The following HMCN2 variants were observed in gnomAD, a reference collection of about 807,000 sequenced individuals.
The protein encoded by HMCN2 is hemicentin-2.
In HMCN2, 325 loss-of-function variants were observed where a neutral mutation model predicts 377.5. The observed-to-expected ratio is 0.86, with a 90% CI of 0.79 to 0.94. The LOEUF (loss-of-function observed/expected upper bound fraction) is 0.94. Among genes scored for constraint, HMCN2 ranks in the 40% least tolerant of loss-of-function variants. HMCN2 has a pLI of 0.00. For missense variants in HMCN2, 4,543 were observed against 4,725.3 expected, an observed-to-expected ratio of 0.96 and a Z score of 1.13; for synonymous variants, 2,007 against 2,046.8, an observed-to-expected ratio of 0.98 and a Z score of 0.53.
rs1448443171 is a variant in HMCN2, at chr9:130,350,378, C to CAAAAAA, written c.4430+717_4430+722dup. On this transcript the variant is annotated intron_variant, in intron 29 of 97. Coordinates refer to ENST00000683500, the MANE Select transcript of HMCN2 (RefSeq NM_001291815.2). ...CGAGACCCTGTCTCTGCTAAAAATA[C>CAAAAAA]AAAAAAATACAAAAAAAAAAAAAAA... Among the ~76,000 whole-genome samples the CAAAAAA allele has an allele frequency of 2.4e-4, 18 of 74,730 alleles. 1 individual carries two copies. The highest frequency in any genetic ancestry group is 5.5e-4 in the African/African-American group (11 of 20,056). The allele number at this position is 74,730 out of a possible 152,430, so 49.0% of individuals were successfully genotyped here.
chr9:130,338,557 T>C (rs942078072), intron 23 of HMCN2: 1 of 152,382 alleles, frequency 6.6e-6, no homozygotes, highest in Non-Finnish European at 1.5e-5. Flanking sequence ...TCTCTCTCCA[T>C]GTATCCCTTC....
intron 85 of HMCN2, among the ~76,000 whole-genome samples, chr9:130,415,961 G>C (rs1843663467): frequency 6.6e-6 from 1 of 152,156 alleles, no homozygotes; most frequent in Middle Eastern, 3.4e-3. Context: ...GCAGCCCCCA[G>C]GGGTGGCAAA....
At chr9:130,386,577 C>T in intron 61 of HMCN2, 53 bp downstream of exon 61, 1 of 1,186,176 alleles carries the variant, frequency 8.4e-7, no homozygotes, top group Non-Finnish European at 1.1e-6. Flanking sequence ...TAGCAACACC[C>T]AGGGCTGCCA....
intron 82 of HMCN2, chr9:130,406,473 C>A (rs1435588502): frequency 2.0e-5 from 6 of 294,354 alleles, no homozygotes. Flanking sequence ...GTGGGACCCT[C>A]AGCAAACCCC....
intron 19 of HMCN2, among the ~76,000 whole-genome samples, chr9:130,324,088 C>T (rs1837994935): frequency 6.6e-6 from 1 of 152,208 alleles, no homozygotes; most frequent in African/African-American, 2.4e-5. Context: ...GGTACATTCA[C>T]ATTTCACACT....
At chr9:130,327,923 CCCGGT>C in intron 22 of HMCN2, among the ~76,000 whole-genome samples, 1 of 152,164 alleles carries the variant, frequency 6.6e-6, no homozygotes, top group Admixed American at 6.5e-5. Flanking sequence ...CTCAGCTGCT[CCCGGT>C]CCGGGATCCT....
At chr9:130,367,861 G>A (rs111818781) in intron 43 of HMCN2, among the ~76,000 whole-genome samples, 2,647 of 146,200 alleles carry the variant, frequency 0.018, 80 homozygotes, top group African/African-American at 0.063. Context: ...AGAATCACCT[G>A]AACCCAGGAG....
In HMCN2 at chr9:130,355,750, C is replaced by T. The variant is rs1461736975; in HGVS notation, c.5151C>T (p.Pro1717=). 2.3e-6 allele frequency: 3 copies of T among 1,302,798 alleles called. No individual in the cohort carries two copies. Among genetic ancestry groups the T allele is most frequent in the East Asian group, 5.6e-5 (1 of 18,016 alleles). The allele number at this position is 1,302,798 out of a possible 1,614,324, so 80.7% of individuals were successfully genotyped here. ...AGGAGTGTGTTCTGCCTGCAGTGCC[C>T]CCACAGCTCCTGGTGGCTGAAGGCT... The part of the protein sequence containing the change: ...VLQYSVEVQV[P]PQLLVAEGLG... Residue 1717 remains proline (P), a synonymous_variant, in exon 33 of 98, where the codon CCC becomes CCT. Coordinates refer to ENST00000683500, the MANE Select transcript of HMCN2 (RefSeq NM_001291815.2).
intron 29 of HMCN2, among the ~76,000 whole-genome samples, chr9:130,350,177 T>C (rs1839625110): frequency 6.6e-6 from 1 of 151,422 alleles, no homozygotes; most frequent in Non-Finnish European, 1.5e-5. Context: ...CCCAAAGTGC[T>C]GAGATTACAG....
At chr9:130,421,995 C>A (rs1418224900) in intron 86 of HMCN2, among the ~76,000 whole-genome samples, 1 of 152,272 alleles carries the variant, frequency 6.6e-6, no homozygotes, top group Admixed American at 6.5e-5. Context: ...AAGCACCCCC[C>A]TGTGCCTGCA....
chr9:130,433,401 T>C lies in HMCN2; in HGVS notation c.14948T>C (p.Leu4983Pro). Residue 4983 changes from leucine to proline, a missense_variant, in exon 98 of 98, where the codon CTG becomes CCG. Physicochemically the swap from Leu to Pro is moderately conservative, Grantham distance 98. Around this residue, in one of 5 missense-constraint regions of HMCN2, gnomAD observed 1,155 missense variants for 1,157.7 expected, o/e 1.00. Transcript: ENST00000683500. Reference sequence around the variant, plus strand: ...TGCGGCACGGGCGGCCCCTCTACGCTGCAGTACCGGCTGCTGCCGCTGCCC... The same window carrying C: ...TGCGGCACGGGCGGCCCCTCTACGCCGCAGTACCGGCTGCTGCCGCTGCCC... ...QDCGTGGPSTLQYRLLPLPLG... is the reference protein window; with the variant it reads ...QDCGTGGPSTPQYRLLPLPLG... 4.0e-6 allele frequency: 6 copies of C among 1,493,402 alleles called. No individual in the cohort carries two copies. The highest frequency in any genetic ancestry group is 4.4e-6 in the Non-Finnish European group (5 of 1,129,690). 92.5% of individuals were successfully genotyped at this position (1,493,402 alleles called of 1,614,324 possible). A position where few individuals can be genotyped will look rare whatever the true frequency, so the allele number is the denominator to read the frequency against.
intron 87 of HMCN2, among the ~76,000 whole-genome samples, chr9:130,424,345 A>T (rs1053087801): frequency 7.0e-4 from 100 of 142,222 alleles, no homozygotes; most frequent in Non-Finnish European, 1.4e-3. Context: ...CGCCCGGCTA[A>T]TTTTTTTTTT....
chr9:130,366,593 A>G (rs1840701917), intron 43 of HMCN2, among the ~76,000 whole-genome samples: 1 of 146,692 alleles, frequency 6.8e-6, no homozygotes, highest in Non-Finnish European at 1.5e-5. Flanking sequence ...AGCTGGGATT[A>G]CAGGCAGGTG....
chr9:130,395,133 G>GGGGGGGGGGGGC, intron 70 of HMCN2, 25 bp downstream of exon 70: 1 of 453,770 alleles, frequency 2.2e-6, no homozygotes, highest in Non-Finnish European at 3.9e-6. Flanking sequence ...TGGGGTGGGG[G>GGGGGGGGGGGGC]CAGGGCCGGG....
At position 130,430,501 on chromosome 9, in the gene HMCN2, C is replaced by T. The variant is rs1460545595; in HGVS notation, c.14544C>T (p.Ser4848=). Residue 4848 remains serine (S), a synonymous_variant, in exon 95 of 98, where the codon TCC becomes TCT. Transcript: ENST00000683500. ...CCTGGGCCTCGATCCCCGGTACCTC[C>T]TACCACGCCTGGGTCTCTCTCCGTC... ...LRPWASIPGT[S]YHAWVSLRPG... The T allele has an allele frequency of 3.2e-6, 5 of 1,550,480 alleles. No homozygotes were observed. Among genetic ancestry groups the T allele is most frequent in the Non-Finnish European group, 4.4e-6 (5 of 1,146,960 alleles).
In HMCN2 at chr9:130,303,382, G is replaced by A. The variant is rs1836628806; in HGVS notation, c.1422-105G>A. ...TGTCTTCTTACCGCATCTCACAGAG[G>A]AATTGGGGTCTCTCGTTTGGGCAGG... On this transcript the variant is annotated intron_variant, in intron 9 of 97. Coordinates refer to ENST00000683500, the MANE Select transcript of HMCN2 (RefSeq NM_001291815.2). The surrounding 1 kb of genome is among the most constrained non-coding windows in gnomAD (Gnocchi z 5.2). 1 of 325,008 alleles carries A rather than the reference G, an allele frequency of 3.1e-6. No individual in the cohort carries two copies. The highest frequency in any genetic ancestry group is 6.6e-6 in the Non-Finnish European group (1 of 152,130). The allele number at this position is 325,008 out of a possible 1,614,324, so 20.1% of individuals were successfully genotyped here.
chr9:130,266,154 C>A lies in HMCN2; in HGVS notation c.259+17C>A, dbSNP rs1554918907. On this transcript the variant is annotated intron_variant, in intron 1 of 97. Transcript: ENST00000683500. Reference sequence around the variant, plus strand: ...ACGACCCAGGTAGCGCCCCCGCACCCCCGCCCGCCGGGCGCCCCCTTCGAG... The same window carrying A: ...ACGACCCAGGTAGCGCCCCCGCACCACCGCCCGCCGGGCGCCCCCTTCGAG... The A allele has an allele frequency of 2.2e-6, 1 of 459,848 alleles. No individual in the cohort carries two copies. Among genetic ancestry groups the A allele is most frequent in the Non-Finnish European group, 4.4e-6 (1 of 225,706 alleles). The allele number at this position is 459,848 out of a possible 1,614,324, so 28.5% of individuals were successfully genotyped here. A position where few individuals can be genotyped will look rare whatever the true frequency, so the allele number is the denominator to read the frequency against.
chr9:130,268,078 C>T (rs1554919872), intron 1 of HMCN2, among the ~76,000 whole-genome samples: 1 of 152,246 alleles, frequency 6.6e-6, no homozygotes, highest in Non-Finnish European at 1.5e-5. Flanking sequence ...TCATAACCCA[C>T]ATTTGTCTCT....
chr9:130,433,118 AG>A, intron 97 of HMCN2: 3 of 474,118 alleles, frequency 6.3e-6, no homozygotes, highest in Non-Finnish European at 1.1e-5. Flanking sequence ...AGTCCGCTGG[AG>A]GGACCATGAA....
Sources: allele counts gnomAD v4.1 joint callset (sites outside exome capture counted in the v4.1 genomes callset), GRCh38; gene constraint gnomAD v4.1.1; regional missense constraint gnomAD v4.1.1; non-coding constraint Gnocchi (gnomAD v3.1); transcripts MANE v1.5; gene names NCBI Gene and HGNC (gene_info 2026-07-23, HGNC 2026-07-21).